Variants in STAU2 observed in about 807,000 individuals in gnomAD.
STAU2 encodes the protein staufen double-stranded RNA binding protein 2.
A neutral mutation model predicts 65.9 loss-of-function variants in STAU2; 20 were observed. That is an observed-to-expected ratio of 0.30 (90% confidence interval 0.21 to 0.44). The LOEUF (loss-of-function observed/expected upper bound fraction) is 0.44. Among genes scored for constraint, STAU2 ranks in the 20% least tolerant of loss-of-function variants. STAU2 has a pLI of 1.00. For missense variants in STAU2, 558 were observed against 683.9 expected, an observed-to-expected ratio of 0.82 and a Z score of 2.05; for synonymous variants, 232 against 233.9, an observed-to-expected ratio of 0.99 and a Z score of 0.07.
intron 6 of STAU2, among the ~76,000 whole-genome samples, chr8:73,637,564 C>G (rs1407511487): frequency 7.3e-6 from 1 of 137,226 alleles, no homozygotes. Context: ...AAAATATCTT[C>G]AAAACTGAAG....
At chr8:73,605,701 AAAAG>A (rs1245269517) in intron 9 of STAU2, among the ~76,000 whole-genome samples, 1 of 151,056 alleles carries the variant, frequency 6.6e-6, no homozygotes, top group African/African-American at 2.4e-5. Flanking sequence ...GGGGGAAAAA[AAAAG>A]ACTCAGACTA....
chr8:73,746,854 C>A (rs953063150), upstream of STAU2: 277 of 1,215,558 alleles, frequency 2.3e-4, no homozygotes, highest in Non-Finnish European at 2.7e-4. Flanking sequence ...CCCGCTCGGC[C>A]GCCGCCGGCT....
chr8:73,588,390 G>A (rs868369640), intron 11 of STAU2, among the ~76,000 whole-genome samples: 3 of 152,222 alleles, frequency 2.0e-5, no homozygotes, highest in South Asian at 2.1e-4. Context: ...AAAACTGGGA[G>A]CTCCAGACAG....
rs146094826 is a variant in STAU2 at position 73,541,961 on chromosome 8, A to G, written c.1530+10051T>C. 2.7e-3 allele frequency among the ~76,000 whole-genome samples: 404 copies of G among 152,270 alleles called. 4 individuals are homozygous for G. Among genetic ancestry groups the G allele is most frequent in the African/African-American group, 9.0e-3 (374 of 41,568 alleles). On this transcript the variant is annotated intron_variant, in intron 13 of 14. Transcript: ENST00000524300. ...CTGTGGGAGAATAACAGGAGATTTA[A>G]CACATGTGCAACTGGAGCTCTAAAA...
intron 9 of STAU2, among the ~76,000 whole-genome samples, chr8:73,612,294 T>C (rs1030343978): frequency 5.9e-5 from 9 of 152,256 alleles, no homozygotes; most frequent in African/African-American, 1.7e-4. Context: ...ATTTTGTGCA[T>C]TGTTTCAGTT....
intron 6 of STAU2, among the ~76,000 whole-genome samples, chr8:73,671,120 A>G (rs928142088): frequency 6.6e-6 from 1 of 152,188 alleles, no homozygotes; most frequent in African/African-American, 2.4e-5. Flanking sequence ...GTAATCAATA[A>G]AATTGAATTT....
intron 6 of STAU2, among the ~76,000 whole-genome samples, chr8:73,634,648 T>A (rs1814361026): frequency 6.6e-6 from 1 of 152,196 alleles, no homozygotes; most frequent in Non-Finnish European, 1.5e-5. Flanking sequence ...TCTGGCTTCT[T>A]CTACCACTCA....
At chr8:73,617,586 T>G in intron 6 of STAU2, 135 bp from the exon 7 acceptor site, 1 of 822,406 alleles carries the variant, frequency 1.2e-6, no homozygotes, top group Non-Finnish European at 1.9e-6. Context: ...AAAAACATAC[T>G]TTTTTGATAA....
intron 13 of STAU2, among the ~76,000 whole-genome samples, chr8:73,517,407 AGAGT>A (rs1223811822): frequency 6.6e-6 from 1 of 151,238 alleles, no homozygotes; most frequent in Non-Finnish European, 1.5e-5. Context: ...CCTGGGCAAC[AGAGT>A]GAGTTCTTGT....
At chr8:73,543,675 G>C (rs1806704226) in intron 13 of STAU2, among the ~76,000 whole-genome samples, 1 of 152,134 alleles carries the variant, frequency 6.6e-6, no homozygotes, top group Non-Finnish European at 1.5e-5. Context: ...CAGAAACCCT[G>C]GCTATCACTT....
intron 11 of STAU2, among the ~76,000 whole-genome samples, chr8:73,586,092 G>C (rs1407807091): frequency 2.6e-5 from 4 of 152,196 alleles, no homozygotes; most frequent in African/African-American, 4.8e-5. Context: ...GTTCTTTATA[G>C]CAAACAAATA....
At chr8:73,675,889 A>G (rs970837565) in intron 5 of STAU2, among the ~76,000 whole-genome samples, 2 of 152,172 alleles carry the variant, frequency 1.3e-5, no homozygotes, top group African/African-American at 4.8e-5. Flanking sequence ...TCCCGATAGA[A>G]CGGTGTCCGT....
chr8:73,477,619 A>G (rs935775562), intron 13 of STAU2, among the ~76,000 whole-genome samples: 1 of 152,188 alleles, frequency 6.6e-6, no homozygotes, highest in African/African-American at 2.4e-5. Context: ...CAGGAAGAAC[A>G]GTTGCCATAG....
intron 13 of STAU2, among the ~76,000 whole-genome samples, chr8:73,469,820 A>T (rs1342513931): frequency 1.3e-5 from 2 of 152,216 alleles, no homozygotes; most frequent in Non-Finnish European, 2.9e-5. Flanking sequence ...TTGACAAACA[A>T]CACTGTGACC....
Position 73,460,208 on chromosome 8 carries a change from C to T in STAU2, c.1531-37506G>A, listed in dbSNP as rs143848184. ...ATTCCTTCTAGCCTCTTCGATGCTA[C>T]GGAATAGCTGTGGTCTCTATATTTA... On this transcript the variant is annotated intron_variant, in intron 13 of 14. Transcript: ENST00000524300. Among the ~76,000 whole-genome samples the T allele has an allele frequency of 1.1e-3, 166 of 152,284 alleles. 4 individuals are homozygous for T. The highest frequency in any genetic ancestry group is 3.7e-3 in the African/African-American group (152 of 41,558).
At chr8:73,455,505 G>A (rs547122693) in intron 13 of STAU2, among the ~76,000 whole-genome samples, 1 of 152,208 alleles carries the variant, frequency 6.6e-6, no homozygotes, top group East Asian at 1.9e-4. Context: ...TGTCCCCATT[G>A]GGCTCTGGGG....
At chr8:73,686,545 C>A (rs143915218) in intron 5 of STAU2, among the ~76,000 whole-genome samples, 3 of 146,416 alleles carry the variant, frequency 2.0e-5, no homozygotes, top group Non-Finnish European at 4.5e-5. Flanking sequence ...CGAGACTCCC[C>A]CTCAAAAAAA....
At chr8:73,491,792 A>G (rs1821165278) in intron 13 of STAU2, among the ~76,000 whole-genome samples, 1 of 151,966 alleles carries the variant, frequency 6.6e-6, no homozygotes, top group African/African-American at 2.4e-5. Context: ...TGATTTGCCA[A>G]ATATTTACTT....
At chr8:73,558,054 T>C (rs895298407) in intron 12 of STAU2, among the ~76,000 whole-genome samples, 2 of 152,236 alleles carry the variant, frequency 1.3e-5, no homozygotes, top group African/African-American at 4.8e-5. Flanking sequence ...CAAGGTCATA[T>C]GGATAATAAG....
Sources: gnomAD v4.1 joint callset for allele counts (sites outside exome capture counted in the v4.1 genomes callset) on GRCh38, gnomAD v4.1.1 for gene constraint, MANE v1.5 for transcripts, NCBI Gene and HGNC (gene_info 2026-07-23, HGNC 2026-07-21) for gene names.